Variants in CCNY observed in about 807,000 individuals in gnomAD.
The protein encoded by CCNY is cyclin-Y.
A neutral mutation model predicts 42.8 loss-of-function variants in CCNY; 19 were observed. The observed-to-expected ratio is 0.44, with a 90% CI of 0.31 to 0.65. The LOEUF is 0.65. Among genes scored for constraint, CCNY ranks in the 30% least tolerant of loss-of-function variants. The pLI, the probability that CCNY is intolerant of heterozygous loss-of-function variation, is 0.07. For missense variants in CCNY, 370 were observed against 437.3 expected, an observed-to-expected ratio of 0.85 and a Z score of 1.37; for synonymous variants, 165 against 162.7, an observed-to-expected ratio of 1.01 and a Z score of -0.11.
intron 5 of CCNY, among the ~76,000 whole-genome samples, chr10:35,526,861 T>G (rs1265206391): frequency 6.6e-6 from 1 of 152,216 alleles, no homozygotes; most frequent in African/African-American, 2.4e-5. Context: ...GGTAATCATA[T>G]TTCATGCATA....
intron 3 of CCNY, among the ~76,000 whole-genome samples, chr10:35,267,036 C>G (rs1205046167): frequency 1.4e-5 from 2 of 147,830 alleles, no homozygotes; most frequent in Admixed American, 6.8e-5. Flanking sequence ...GAGCTGAGAT[C>G]GTGCCATTGC....
At chr10:35,274,091 A>C (rs1835207024) in intron 3 of CCNY, among the ~76,000 whole-genome samples, 1 of 152,216 alleles carries the variant, frequency 6.6e-6, no homozygotes. Context: ...TTTATAAGGA[A>C]AAAGAGGTTT....
At chr10:35,557,762 A>T (rs76262684) in intron 8 of CCNY, among the ~76,000 whole-genome samples, 34 of 148,932 alleles carry the variant, frequency 2.3e-4, no homozygotes, top group Middle Eastern at 3.4e-3. Flanking sequence ...TTTTATATTT[A>T]AAAAAAAGTC....
At chr10:35,319,334 G>A (rs1032260949) in intron 3 of CCNY, among the ~76,000 whole-genome samples, 6 of 152,062 alleles carry the variant, frequency 3.9e-5, no homozygotes, top group Non-Finnish European at 7.4e-5. Flanking sequence ...AGTTATGATC[G>A]CTACTGTATT....
intron 3 of CCNY, among the ~76,000 whole-genome samples, chr10:35,275,784 C>T (rs567499499): frequency 6.6e-6 from 1 of 152,126 alleles, no homozygotes; most frequent in East Asian, 1.9e-4. Flanking sequence ...AGAGTGTGTC[C>T]AGTCTTATTG....
chr10:35,302,860 A>G (rs55779645), intron 3 of CCNY, among the ~76,000 whole-genome samples: 14,031 of 152,218 alleles, frequency 0.092, 946 homozygotes, highest in Non-Finnish European at 0.12. Flanking sequence ...TTAGTATGGC[A>G]TGCTTATTCA....
chr10:35,562,460 A>C (rs1841485332), intron 8 of CCNY, among the ~76,000 whole-genome samples: 1 of 152,180 alleles, frequency 6.6e-6, no homozygotes, highest in African/African-American at 2.4e-5. Flanking sequence ...CCTGTTAAAC[A>C]CTAACTTGCC....
intron 2 of CCNY, among the ~76,000 whole-genome samples, chr10:35,485,820 A>T (rs1839776988): frequency 6.6e-6 from 1 of 152,018 alleles, no homozygotes; most frequent in South Asian, 2.1e-4. Context: ...CTACTTGGTG[A>T]ATTGGCTTTT....
chr10:35,314,170 A>G (rs1473262692), intron 3 of CCNY, among the ~76,000 whole-genome samples: 1 of 152,044 alleles, frequency 6.6e-6, no homozygotes, highest in Non-Finnish European at 1.5e-5. Context: ...CCTTTATGTT[A>G]ATTAGATCAC....
In CCNY at chr10:35,478,398, G is replaced by T. The variant is rs1564427028; in HGVS notation, c.155-5006G>T. ...ACCTGACTTCAAACTATACTACAAG[G>T]CTACAGTAACCAAAACAGCATGGTA... On this transcript the variant is annotated intron_variant, in intron 1 of 9. Transcript: ENST00000374704. Among the ~76,000 whole-genome samples the T allele has an allele frequency of 4.6e-5, 7 of 151,400 alleles. No homozygotes were observed. In the South Asian group the frequency reaches 1.3e-3, roughly 27 times the overall value.
chr10:35,350,495 G>A (rs1428144684), intron 1 of CCNY, among the ~76,000 whole-genome samples: 5 of 152,156 alleles, frequency 3.3e-5, no homozygotes, highest in Non-Finnish European at 7.3e-5. Context: ...TTCTGACAGT[G>A]TGTAGCTTTG....
chr10:35,382,319 A>G (rs1409950701), intron 1 of CCNY, among the ~76,000 whole-genome samples: 1 of 152,204 alleles, frequency 6.6e-6, no homozygotes, highest in Non-Finnish European at 1.5e-5. Flanking sequence ...CAGTGCTGAC[A>G]GACTGTGTGT....
At chr10:35,528,225 C>T (rs920745481) in intron 5 of CCNY, among the ~76,000 whole-genome samples, 2 of 152,160 alleles carry the variant, frequency 1.3e-5, no homozygotes, top group Non-Finnish European at 2.9e-5. Context: ...TGAGGGAATC[C>T]GCTGATTCTT....
At chr10:35,299,079 G>A (rs1017303267) in intron 3 of CCNY, among the ~76,000 whole-genome samples, 1 of 152,202 alleles carries the variant, frequency 6.6e-6, no homozygotes, top group South Asian at 2.1e-4. Flanking sequence ...CTTACCAGCA[G>A]TGTAGAAGAG....
intron 3 of CCNY, among the ~76,000 whole-genome samples, chr10:35,277,178 C>T (rs76948025): frequency 0.013 from 1,940 of 152,308 alleles, 34 homozygotes; most frequent in East Asian, 0.054. Context: ...TGTTACTGGT[C>T]TTGTTGCCAG....
rs1328022399 is a variant in CCNY, at chr10:35,570,501, A to G, written c.*1331A>G. The G allele has an allele frequency of 1.3e-5, 2 of 152,344 alleles. No homozygotes were observed. Among genetic ancestry groups the G allele is most frequent in the East Asian group, 1.9e-4 (1 of 5,314 alleles). 9.4% of individuals were successfully genotyped at this position (152,344 alleles called of 1,614,324 possible). ...TTTATATCAAGTAAAATGAAAGTTG[A>G]TGATAGAATATCAAATAGTGAATTT... On this transcript the variant is annotated 3_prime_UTR_variant, in exon 10 of 10. Transcript: ENST00000374704.
At chr10:35,557,961 G>A (rs189095526) in intron 8 of CCNY, among the ~76,000 whole-genome samples, 3 of 152,154 alleles carry the variant, frequency 2.0e-5, no homozygotes, top group African/African-American at 7.2e-5. Context: ...CGCATGTTCA[G>A]ATGAGTAGGT....
upstream of CCNY, among the ~76,000 whole-genome samples, chr10:35,332,149 G>T (rs558626497): frequency 3.9e-5 from 6 of 152,302 alleles, no homozygotes; most frequent in East Asian, 1.2e-3. Context: ...GACAGGAGGA[G>T]CATCAGTAGC....
chr10:35,467,864 T>A (rs1839302616), intron 1 of CCNY, among the ~76,000 whole-genome samples: 1 of 152,228 alleles, frequency 6.6e-6, no homozygotes, highest in African/African-American at 2.4e-5. Context: ...TTAGTTGGAC[T>A]TAGTTCATTC....
Sources: allele counts gnomAD v4.1 joint callset (sites outside exome capture counted in the v4.1 genomes callset), GRCh38; gene constraint gnomAD v4.1.1; transcripts MANE v1.5; gene names NCBI Gene and HGNC (gene_info 2026-07-23, HGNC 2026-07-21).